The following GPHN variants were observed in gnomAD, a reference collection of about 807,000 sequenced individuals.
GPHN encodes the protein gephyrin.
In GPHN, 17 loss-of-function variants were observed where a neutral mutation model predicts 95.5. The ratio of observed to expected loss-of-function variants is 0.18; its 90% CI spans 0.12 to 0.27. GPHN has a LOEUF of 0.27. Among genes scored for constraint, GPHN ranks in the 10% least tolerant of loss-of-function variants. GPHN has a pLI of 1.00. For missense variants in GPHN, 660 were observed against 978.1 expected, an observed-to-expected ratio of 0.67 and a Z score of 4.34; for synonymous variants, 320 against 322.5, an observed-to-expected ratio of 0.99 and a Z score of 0.08.
At chr14:66,704,048 A>G (rs879914841) in intron 2 of GPHN, among the ~76,000 whole-genome samples, 1 of 152,172 alleles carries the variant, frequency 6.6e-6, no homozygotes, top group Non-Finnish European at 1.5e-5. Context: ...AGTTTAAACC[A>G]ACAAAGATCA....
the GPHN span, among the ~76,000 whole-genome samples, chr14:67,261,195 C>T: frequency 5.9e-5 from 9 of 152,082 alleles, no homozygotes; most frequent in Non-Finnish European, 1.3e-4. Context: ...TGAAAAGGGA[C>T]ACTGTTGTGG....
intron 17 of GPHN, chr14:67,143,121 G>A (rs1489383221): frequency 4.5e-6 from 2 of 443,582 alleles, no homozygotes; most frequent in East Asian, 4.6e-5. Flanking sequence ...TGGCTTGTTA[G>A]AATAAAAAGC....
At chr14:66,990,112 C>T (rs993405536) in intron 9 of GPHN, among the ~76,000 whole-genome samples, 1 of 152,076 alleles carries the variant, frequency 6.6e-6, no homozygotes, top group Non-Finnish European at 1.5e-5. Context: ...AAACAAGGTA[C>T]GTTGTATATG....
chr14:67,482,944 C>CA, the GPHN span, among the ~76,000 whole-genome samples: 4 of 152,146 alleles, frequency 2.6e-5, no homozygotes, highest in Non-Finnish European at 2.9e-5. Flanking sequence ...TGTATTAACT[C>CA]AAAAAATTCT....
the GPHN span, chr14:67,392,674 G>A: frequency 1.2e-5 from 20 of 1,613,786 alleles, no homozygotes; most frequent in East Asian, 4.0e-4. Flanking sequence ...AAGTGTACAG[G>A]GCTGTGGAGT....
the GPHN span, among the ~76,000 whole-genome samples, chr14:67,694,652 G>A: frequency 2.7e-4 from 41 of 152,154 alleles, 1 homozygote; most frequent in African/African-American, 9.6e-4. Flanking sequence ...TTTCATCTGA[G>A]TGTGAGAAAC....
At chr14:66,877,324 C>T (rs1244412887) in intron 4 of GPHN, among the ~76,000 whole-genome samples, 1 of 152,166 alleles carries the variant, frequency 6.6e-6, no homozygotes, top group Non-Finnish European at 1.5e-5. Context: ...TGAAAACTGG[C>T]ACTAGACAAG....
intron 1 of GPHN, among the ~76,000 whole-genome samples, chr14:66,522,965 C>A (rs1350947311): frequency 1.3e-5 from 2 of 151,962 alleles, no homozygotes; most frequent in African/African-American, 4.8e-5. Context: ...AGTTTAGTAT[C>A]ATTATTTGTA....
At chr14:66,866,520 G>GA (rs1295592576) in intron 4 of GPHN, among the ~76,000 whole-genome samples, 1 of 152,134 alleles carries the variant, frequency 6.6e-6, no homozygotes, top group Non-Finnish European at 1.5e-5. Context: ...TTAATTATCA[G>GA]ATTAATGTTT....
chr14:67,179,113 G>T (rs142810239), intron 21 of GPHN, among the ~76,000 whole-genome samples: 2,928 of 152,270 alleles, frequency 0.019, 38 homozygotes, highest in Middle Eastern at 0.034. Context: ...GGCCAGGCAT[G>T]GTGGCTCATG....
chr14:66,842,718 T>A, intron 4 of GPHN: 1 of 1,528,682 alleles, frequency 6.5e-7, no homozygotes, highest in Non-Finnish European at 8.8e-7. Flanking sequence ...CAGAAAGGGG[T>A]AAGCGAAGAC....
intron 18 of GPHN, among the ~76,000 whole-genome samples, chr14:67,149,302 C>T (rs1408136468): frequency 6.6e-6 from 1 of 152,212 alleles, no homozygotes; most frequent in African/African-American, 2.4e-5. Context: ...CCAGATCATG[C>T]CATTGCACTC....
intron 17 of GPHN, among the ~76,000 whole-genome samples, chr14:67,132,457 T>C (rs1328985010): frequency 6.6e-6 from 1 of 152,156 alleles, no homozygotes; most frequent in East Asian, 1.9e-4. Context: ...ACATAATAGA[T>C]TTATTTTCTT....
At chr14:67,356,713 C>CCCA in the GPHN span, among the ~76,000 whole-genome samples, 1 of 152,130 alleles carries the variant, frequency 6.6e-6, no homozygotes, top group African/African-American at 2.4e-5. Context: ...TTCACTGTAC[C>CCCA]CCAAACATGT....
chr14:67,262,258 TC>T, the GPHN span, among the ~76,000 whole-genome samples: 1 of 152,154 alleles, frequency 6.6e-6, no homozygotes, highest in African/African-American at 2.4e-5. Flanking sequence ...TTCTAGCCTA[TC>T]CCTTTTGTGT....
chr14:67,083,237 C>A lies in GPHN; in HGVS notation c.1145-5746C>A, dbSNP rs529195574. ...ATAGTATTTGGATCTATGCCCCCCC[C>A]CCTCCAAATCTCACGTTGAAATGTA... On this transcript the variant is annotated intron_variant, in intron 11 of 22. Transcript: ENST00000478722. Among the ~76,000 whole-genome samples the A allele has an allele frequency of 2.6e-4, 39 of 152,114 alleles. No individual in the cohort carries two copies. In the South Asian group the frequency reaches 7.5e-3, roughly 29 times the overall value.
intron 4 of GPHN, among the ~76,000 whole-genome samples, chr14:66,877,231 G>C (rs189647659): frequency 6.6e-6 from 1 of 152,026 alleles, no homozygotes; most frequent in Admixed American, 6.6e-5. Flanking sequence ...TTGATGGAAC[G>C]TATCTCAAAA....
At chr14:67,635,871 TTTAAA>T in the GPHN span, among the ~76,000 whole-genome samples, 1 of 152,110 alleles carries the variant, frequency 6.6e-6, no homozygotes, top group Admixed American at 6.6e-5. Flanking sequence ...TTTTTTAAAT[TTTAAA>T]TTAATTTCCA....
At chr14:67,477,308 T>G in the GPHN span, among the ~76,000 whole-genome samples, 1 of 152,226 alleles carries the variant, frequency 6.6e-6, no homozygotes, top group Non-Finnish European at 1.5e-5. Flanking sequence ...TCTTCCTGTC[T>G]TTCATCTCCA....
Sources: gnomAD v4.1 joint callset for allele counts (sites outside exome capture counted in the v4.1 genomes callset) on GRCh38, gnomAD v4.1.1 for gene constraint, MANE v1.5 for transcripts, NCBI Gene and HGNC (gene_info 2026-07-23, HGNC 2026-07-21) for gene names.